Variants in NCKAP5 observed in about 807,000 individuals in gnomAD.
NCKAP5 encodes NCK associated protein 5.
A neutral mutation model predicts 167.0 loss-of-function variants in NCKAP5; 92 were observed. That is an observed-to-expected ratio of 0.55 (90% CI 0.47 to 0.66). The LOEUF is 0.66. NCKAP5 is among the 30% of genes least tolerant of loss of function. NCKAP5 has a pLI of 0.00. For missense variants in NCKAP5, 2,378 were observed against 2,315.0 expected (o/e 1.03, Z -0.56); for synonymous variants, 891 against 877.4 (o/e 1.02, Z -0.27).
intron 4 of NCKAP5, among the ~76,000 whole-genome samples, chr2:133,253,417 T>G (rs550307656): frequency 1.1e-4 from 17 of 152,324 alleles, no homozygotes; most frequent in African/African-American, 3.8e-4. Context: ...ACAAATTAAG[T>G]AAATGAAGGC....
In NCKAP5 at chr2:132,977,948, C is replaced by T. The variant is rs774424627; in HGVS notation, c.430-14079G>A. Reference sequence around the variant, plus strand: ...TATCACTTGAGGTGCTTCTTTGTCACATAGTGGGATGTACATTCTGACAAA... The same window carrying T: ...TATCACTTGAGGTGCTTCTTTGTCATATAGTGGGATGTACATTCTGACAAA... On this transcript the variant is annotated intron_variant, in intron 7 of 19. Coordinates refer to ENST00000409261, the MANE Select transcript of NCKAP5 (RefSeq NM_207363.3). Among the ~76,000 whole-genome samples, 3 of 152,282 alleles carry T rather than the reference C, an allele frequency of 2.0e-5. No individual in the cohort carries two copies. The South Asian group carries it at 6.2e-4, about 32-fold the overall frequency.
At position 132,877,116 on chromosome 2, in the gene NCKAP5, T is replaced by C. The variant is rs932411333; in HGVS notation, c.648+1732A>G. Among the ~76,000 whole-genome samples, 4 of 152,190 alleles carry C rather than the reference T, an allele frequency of 2.6e-5. No homozygotes were observed. In the East Asian group the frequency reaches 7.7e-4, roughly 29 times the overall value. ...TATCCTTGGATCTGTTTGGTCTTTC[T>C]TGCCCTAAACTTTGACTGGACCACG... is the stretch of plus-strand genomic sequence containing the variant. On this transcript the variant is annotated intron_variant, in intron 9 of 19. Transcript: ENST00000409261.
At chr2:133,609,946 TA>T in the NCKAP5 span, among the ~76,000 whole-genome samples, 3 of 152,160 alleles carry the variant, frequency 2.0e-5, no homozygotes, top group African/African-American at 7.2e-5. Flanking sequence ...AATTTTAATT[TA>T]AATTCCTGGG....
In NCKAP5 at chr2:132,672,960, C is replaced by G; in HGVS notation, c.*329G>C. ...GTTATCTCTATCAAGCGGTGCACCC[C>G]CCACCCCCCACCCATCATTTCTTAA... On this transcript the variant is annotated 3_prime_UTR_variant, in exon 20 of 20. Coordinates refer to ENST00000409261, the MANE Select transcript of NCKAP5 (RefSeq NM_207363.3). The G allele has an allele frequency of 9.5e-6, 1 of 105,302 alleles. No individual in the cohort carries two copies. The highest frequency in any genetic ancestry group is 4.1e-5 in the African/African-American group (1 of 24,648). The allele number at this position is 105,302 out of a possible 1,614,324, so 6.5% of individuals were successfully genotyped here.
Position 133,409,711 on chromosome 2 carries a change from G to A in NCKAP5, c.70-106601C>T, listed in dbSNP as rs1037562406. Among the ~76,000 whole-genome samples, 3 of 152,136 alleles carry A rather than the reference G, an allele frequency of 2.0e-5. No individual in the cohort carries two copies. The East Asian group carries it at 5.8e-4, about 29-fold the overall frequency. ...TGTGCATGTGTATGCAATGTTGTAG[G>A]AAAAGGTCTACATTGTTCATCAGAT... On this transcript the variant is annotated intron_variant, in intron 3 of 19. Transcript: ENST00000409261.
At chr2:133,275,450 C>A (rs1368184367) in intron 4 of NCKAP5, among the ~76,000 whole-genome samples, 2 of 152,034 alleles carry the variant, frequency 1.3e-5, no homozygotes, top group Non-Finnish European at 1.5e-5. Flanking sequence ...TATATTAAAT[C>A]TCAAACTTCA....
At chr2:132,726,952 G>C (rs888152406) in intron 18 of NCKAP5, among the ~76,000 whole-genome samples, 16 of 152,204 alleles carry the variant, frequency 1.1e-4, no homozygotes, top group Admixed American at 5.9e-4. Context: ...GTCTGGACAT[G>C]ATGAGGTACA....
chr2:133,599,257 T>A, the NCKAP5 span, among the ~76,000 whole-genome samples: 2 of 152,258 alleles, frequency 1.3e-5, no homozygotes, highest in South Asian at 4.1e-4. Context: ...AACTTGGAGA[T>A]GTTGACAGTG....
At chr2:133,417,903 G>T (rs1354462849) in intron 3 of NCKAP5, among the ~76,000 whole-genome samples, 1 of 152,156 alleles carries the variant, frequency 6.6e-6, no homozygotes. Context: ...TGAGAAATTT[G>T]GTTGACATAA....
intron 11 of NCKAP5, among the ~76,000 whole-genome samples, chr2:132,819,859 T>A (rs1419388921): frequency 6.6e-6 from 1 of 152,222 alleles, no homozygotes; most frequent in East Asian, 1.9e-4. Context: ...AAAACCTGAA[T>A]TTGTCAAGGT....
chr2:132,990,547 T>C (rs2077420436), intron 7 of NCKAP5, among the ~76,000 whole-genome samples: 1 of 152,200 alleles, frequency 6.6e-6, no homozygotes, highest in Non-Finnish European at 1.5e-5. Flanking sequence ...CTTTTGCAGA[T>C]TTGATCAACT....
At chr2:132,736,952 T>C (rs1691582513) in intron 16 of NCKAP5, among the ~76,000 whole-genome samples, 1 of 152,170 alleles carries the variant, frequency 6.6e-6, no homozygotes, top group Non-Finnish European at 1.5e-5. Flanking sequence ...ACCAATTACA[T>C]CTCTGATTCT....
At chr2:133,091,759 T>C (rs1022861872) in intron 6 of NCKAP5, among the ~76,000 whole-genome samples, 9 of 151,926 alleles carry the variant, frequency 5.9e-5, no homozygotes, top group Non-Finnish European at 1.3e-4. Context: ...TGGTGGTGGG[T>C]GCCTGTAGTC....
At chr2:132,706,843 G>T (rs1688399476) in intron 19 of NCKAP5, among the ~76,000 whole-genome samples, 1 of 152,020 alleles carries the variant, frequency 6.6e-6, no homozygotes, top group South Asian at 2.1e-4. Flanking sequence ...ACAAAATACT[G>T]GGGAAGAAGG....
At chr2:133,343,314 A>T (rs933081722) in intron 3 of NCKAP5, among the ~76,000 whole-genome samples, 1 of 152,172 alleles carries the variant, frequency 6.6e-6, no homozygotes, top group Non-Finnish European at 1.5e-5. Context: ...TATAAAAAAA[A>T]TTCATAGGTT....
intron 8 of NCKAP5, among the ~76,000 whole-genome samples, chr2:132,940,708 A>C (rs1258265737): frequency 6.6e-6 from 1 of 152,062 alleles, no homozygotes; most frequent in Non-Finnish European, 1.5e-5. Context: ...AAGTAGTAAA[A>C]ACTTATTTAT....
In NCKAP5 at chr2:132,782,034, CT is replaced by C; in HGVS notation, c.4776del (p.Asp1593ThrfsTer6). On this transcript the variant is annotated frameshift_variant, in exon 14 of 20. Transcript: ENST00000409261. LOFTEE classifies it high-confidence loss of function. ...LQSKNNRRTP[Q>X]DIYNQLKIEP... ...TCAATCTTCAGTTGGTTGTAAATGT[CT>C]TGTGGTGTTCTCCGATTATTTTTGC... 1 of 1,614,002 alleles carries C rather than the reference CT, an allele frequency of 6.2e-7. No individual in the cohort carries two copies. Among genetic ancestry groups the C allele is most frequent in the Non-Finnish European group, 8.5e-7 (1 of 1,179,890 alleles).
intron 3 of NCKAP5, among the ~76,000 whole-genome samples, chr2:133,436,743 C>A (rs1338070468): frequency 1.3e-5 from 2 of 152,140 alleles, no homozygotes; most frequent in Admixed American, 1.3e-4. Context: ...AGAACAGATT[C>A]TCTGTACATT....
chr2:133,451,345 T>C (rs1333924716), intron 3 of NCKAP5, among the ~76,000 whole-genome samples: 2 of 152,144 alleles, frequency 1.3e-5, no homozygotes, highest in Admixed American at 1.3e-4. Flanking sequence ...TGGCCAAAGT[T>C]TCAGTCAGGT....
Sources: gnomAD v4.1 joint callset for allele counts (sites outside exome capture counted in the v4.1 genomes callset) on GRCh38, gnomAD v4.1.1 for gene constraint, MANE v1.5 for transcripts, NCBI Gene and HGNC (gene_info 2026-07-23, HGNC 2026-07-21) for gene names.